The following LMO7 variants were observed in gnomAD, a reference collection of about 807,000 sequenced individuals.
LMO7 encodes LIM domain only protein 7.
In LMO7, 120 loss-of-function variants were observed where a neutral mutation model predicts 206.5. The ratio of observed to expected loss-of-function variants is 0.58; its 90% CI spans 0.50 to 0.68. The LOEUF is 0.68. Among genes scored for constraint, LMO7 ranks in the 30% least tolerant of loss-of-function variants. The pLI is 0.00. For missense variants in LMO7, 1,959 were observed against 1,957.9 expected (o/e 1.00, Z -0.01); for synonymous variants, 706 against 681.5 (o/e 1.04, Z -0.56).
intron 15 of LMO7, among the ~76,000 whole-genome samples, chr13:75,829,253 G>A (rs1375585120): frequency 6.6e-6 from 1 of 152,178 alleles, no homozygotes; most frequent in Non-Finnish European, 1.5e-5. Flanking sequence ...TGGAGAAAGT[G>A]AGATAATAGG....
At chr13:75,834,457 A>G (rs1275436628) in intron 17 of LMO7, 70 bp downstream of exon 17, 4 of 1,156,508 alleles carry the variant, frequency 3.5e-6, no homozygotes, top group Non-Finnish European at 4.8e-6. Flanking sequence ...GGTTCTAACA[A>G]TTTGCTTCAA....
At chr13:75,782,207 T>G (rs2051594576) in intron 4 of LMO7, among the ~76,000 whole-genome samples, 1 of 152,210 alleles carries the variant, frequency 6.6e-6, no homozygotes, top group Admixed American at 6.5e-5. Context: ...GTAACAAAAT[T>G]CAGCTGTGAA....
chr13:75,642,629 A>G (rs2036650455), intron 1 of LMO7, among the ~76,000 whole-genome samples: 1 of 151,960 alleles, frequency 6.6e-6, no homozygotes, highest in Non-Finnish European at 1.5e-5. Flanking sequence ...AAATAAATAA[A>G]TAGAGTATTC....
At chr13:75,783,484 A>C (rs569257074) in intron 4 of LMO7, among the ~76,000 whole-genome samples, 1 of 152,202 alleles carries the variant, frequency 6.6e-6, no homozygotes, top group South Asian at 2.1e-4. Context: ...CACCATGCCC[A>C]GCTAATTTTT....
At position 75,773,926 on chromosome 13, in the gene LMO7, C is replaced by CT. The variant is rs894611697; in HGVS notation, c.317+12897dup. 6.6e-5 allele frequency among the ~76,000 whole-genome samples: 10 copies of CT among 150,972 alleles called. No individual in the cohort carries two copies. The South Asian group carries it at 8.4e-4, about 13-fold the overall frequency. ...TAAAAATGAGCACTTCCTGGTGTTG[C>CT]TTTTTTTTTGTTTTGTTTTGTTTTT... On this transcript the variant is annotated intron_variant, in intron 4 of 30. Coordinates refer to ENST00000377534, the MANE Select transcript of LMO7 (RefSeq NM_001306080.2).
Position 75,855,333 on chromosome 13 carries a change from T to TC in LMO7, c.4738dup (p.Leu1580ProfsTer11), listed in dbSNP as rs2060840816. On this transcript the variant is annotated frameshift_variant, in exon 29 of 31. Coordinates refer to ENST00000377534, the MANE Select transcript of LMO7 (RefSeq NM_001306080.2). LOFTEE classifies it high-confidence loss of function. Reference sequence around the variant, plus strand: ...CAAAGGAGCCGCCATGATCATCGAGTCCCTGGGTCTTTGTTATCATTTGCA... The same window carrying TC: ...CAAAGGAGCCGCCATGATCATCGAGTCCCCTGGGTCTTTGTTATCATTTGCA... The TC allele has an allele frequency of 6.2e-7, 1 of 1,613,542 alleles. No individual in the cohort carries two copies. The highest frequency in any genetic ancestry group is 8.5e-7 in the Non-Finnish European group (1 of 1,179,570).
At chr13:75,634,604 G>A (rs1223484928), upstream of LMO7, among the ~76,000 whole-genome samples, 1 of 152,104 alleles carries the variant, frequency 6.6e-6, no homozygotes, top group African/African-American at 2.4e-5. Flanking sequence ...TTAGCCAGGC[G>A]TGGTGACGGG....
At chr13:75,677,106 C>G (rs544298763) in intron 1 of LMO7, among the ~76,000 whole-genome samples, 1 of 152,180 alleles carries the variant, frequency 6.6e-6, no homozygotes. Flanking sequence ...TTGTTTAACT[C>G]AGAGAGACAG....
chr13:75,724,692 G>T (rs1046580345), intron 2 of LMO7, among the ~76,000 whole-genome samples: 7 of 152,104 alleles, frequency 4.6e-5, no homozygotes, highest in East Asian at 1.9e-4. Context: ...CTCCTTAGAA[G>T]AACTATTCTA....
intron 1 of LMO7, among the ~76,000 whole-genome samples, chr13:75,642,902 C>T (rs2036679313): frequency 6.6e-6 from 1 of 152,144 alleles, no homozygotes; most frequent in Non-Finnish European, 1.5e-5. Flanking sequence ...ATTGGGTTTC[C>T]TCCAGTGAGG....
At chr13:75,769,862 C>G (rs2049398531) in intron 4 of LMO7, among the ~76,000 whole-genome samples, 1 of 152,140 alleles carries the variant, frequency 6.6e-6, no homozygotes, top group African/African-American at 2.4e-5. Context: ...TTTTGAAATG[C>G]TTTTTTCTGT....
At chr13:75,712,176 G>A (rs771863384) in intron 1 of LMO7, among the ~76,000 whole-genome samples, 9 of 152,326 alleles carry the variant, frequency 5.9e-5, no homozygotes, top group Non-Finnish European at 7.4e-5. Context: ...AGGTCCCTTC[G>A]TTGAGCCCTG....
chr13:75,655,264 G>A (rs531827511), intron 1 of LMO7, among the ~76,000 whole-genome samples: 1 of 152,250 alleles, frequency 6.6e-6, no homozygotes, highest in South Asian at 2.1e-4. Flanking sequence ...TTCAGATTGC[G>A]GAGCTTGTCC....
At chr13:75,743,391 C>T (rs1304113886) in intron 3 of LMO7, among the ~76,000 whole-genome samples, 2 of 152,132 alleles carry the variant, frequency 1.3e-5, no homozygotes, top group Non-Finnish European at 2.9e-5. Context: ...CATAAAGACA[C>T]ATGCATGTTT....
chr13:75,752,920 ATG>A (rs1333456100), intron 3 of LMO7, among the ~76,000 whole-genome samples: 3 of 152,146 alleles, frequency 2.0e-5, no homozygotes, highest in Non-Finnish European at 4.4e-5. Flanking sequence ...CTTTGATGTA[ATG>A]ATTTCTTTTT....
rs1313537985 is a variant in LMO7, at chr13:75,689,378, A to G, written c.70-23804A>G. ...GTCCTGGGTAGGATTTCCAGGAACT[A>G]TAGCTATTTTCCAAGATACAGCATT... is the stretch of plus-strand genomic sequence containing the variant. On this transcript the variant is annotated intron_variant, in intron 1 of 30. Coordinates refer to ENST00000377534, the MANE Select transcript of LMO7 (RefSeq NM_001306080.2). Among the ~76,000 whole-genome samples the G allele has an allele frequency of 5.3e-5, 8 of 152,190 alleles. 1 individual carries two copies. Among genetic ancestry groups the G allele is most frequent in the Admixed American group, 3.9e-4 (6 of 15,274 alleles).
chr13:75,651,957 T>C (rs911272471), intron 1 of LMO7, among the ~76,000 whole-genome samples: 6 of 152,184 alleles, frequency 3.9e-5, no homozygotes, highest in Non-Finnish European at 2.9e-5. Flanking sequence ...AAAAAAGTTT[T>C]TAGCAGAGTG....
At chr13:75,803,145 TG>T (rs2054991056) in intron 7 of LMO7, among the ~76,000 whole-genome samples, 1 of 152,216 alleles carries the variant, frequency 6.6e-6, no homozygotes, top group African/African-American at 2.4e-5. Flanking sequence ...CTACTCCTCA[TG>T]GTCACAGCTG....
chr13:75,657,213 T>G (rs930773156), intron 1 of LMO7, among the ~76,000 whole-genome samples: 7 of 152,172 alleles, frequency 4.6e-5, no homozygotes, highest in African/African-American at 1.7e-4. Context: ...GTTTCAAAGA[T>G]AGCATGGCCA....
Sources: gnomAD v4.1 joint callset for allele counts (sites outside exome capture counted in the v4.1 genomes callset) on GRCh38, gnomAD v4.1.1 for gene constraint, MANE v1.5 for transcripts, NCBI Gene and HGNC (gene_info 2026-07-23, HGNC 2026-07-21) for gene names.